The following HKDC1 variants were observed in gnomAD, a reference collection of about 807,000 sequenced individuals.
The protein encoded by HKDC1 is hexokinase domain containing 1.
Under a neutral mutation model 96.6 loss-of-function variants are expected in HKDC1, and 66 were observed. The ratio of observed to expected loss-of-function variants is 0.68; its 90% CI spans 0.56 to 0.84. HKDC1 has a LOEUF of 0.84. Among genes scored for constraint, HKDC1 ranks in the 40% least tolerant of loss-of-function variants. HKDC1 has a pLI of 0.00. For synonymous variants in HKDC1, 466 were observed against 473.1 expected (o/e 0.98, Z 0.20); for missense variants, 1,211 against 1,208.1 (o/e 1.00, Z -0.04).
In HKDC1 at chr10:69,265,755, A is replaced by AG. The variant is rs1399189321; in HGVS notation, c.2547dup (p.Leu850AlafsTer23). ...ATAGTGGAAAAAAGGAGAGAAGACC[A>AG]GGGGCTAGAGCACCTGAGGATCACT... On this transcript the variant is annotated frameshift_variant, in exon 17 of 18. Coordinates refer to ENST00000354624, the MANE Select transcript of HKDC1 (RefSeq NM_025130.4). LOFTEE classifies it high-confidence loss of function. 6.2e-7 allele frequency: 1 copy of AG among 1,612,730 alleles called. No homozygotes were observed. The highest frequency in any genetic ancestry group is 1.7e-5 in the Admixed American group (1 of 59,714).
rs547065615 is a variant in HKDC1 at position 69,231,622 on chromosome 10, G to A, written c.227-1142G>A. On this transcript the variant is annotated intron_variant, in intron 2 of 17. Transcript: ENST00000354624. ...TCTCTCCCTGTGCCTCTCACAATCT[G>A]AGCACTGGTCCTACTATATGGAAAT... Among the ~76,000 whole-genome samples the A allele has an allele frequency of 6.6e-5, 10 of 152,232 alleles. No individual in the cohort carries two copies. The South Asian group carries it at 1.7e-3, about 25-fold the overall frequency.
intron 12 of HKDC1, among the ~76,000 whole-genome samples, chr10:69,255,824 C>A (rs369303387): frequency 2.0e-5 from 3 of 150,982 alleles, no homozygotes; most frequent in Admixed American, 6.6e-5. Context: ...GGCTGAGGCA[C>A]GAGAATCGCC....
In HKDC1 at chr10:69,257,131, C is replaced by A. The variant is rs367790898; in HGVS notation, c.1932C>A (p.Asn644Lys). 129 of 1,612,978 alleles carry A rather than the reference C, an allele frequency of 8.0e-5. No homozygotes were observed. The highest frequency in any genetic ancestry group is 1.1e-4 in the Non-Finnish European group (126 of 1,179,160). Residue 644 changes from asparagine (N) to lysine (K), a missense_variant and splice_region_variant, in exon 13 of 18, where the codon AAC becomes AAA. Transcript: ENST00000354624. Reference sequence around the variant, plus strand: ...TCAGGGAAGCCATCAAGAGGAGAAACGTAGGATGTGGTGTTGAGGCTCATG... The same window carrying A: ...TCAGGGAAGCCATCAAGAGGAGAAAAGTAGGATGTGGTGTTGAGGCTCATG... ...DMLREAIKRR[N>K]EFDLDIVAVV... is the part of the protein sequence containing the mutation.
At position 69,248,548 on chromosome 10, in the gene HKDC1, C is replaced by T; in HGVS notation, c.1390C>T (p.Gln464Ter). The T allele has an allele frequency of 6.2e-7, 1 of 1,614,102 alleles. No individual in the cohort carries two copies. Among genetic ancestry groups the T allele is most frequent in the Non-Finnish European group, 8.5e-7 (1 of 1,180,028 alleles). ...AMVTAVASRV[Q>*]AQRKQIDRVL... ...GGTGACCGCGGTGGCCTCCCGCGTG[C>T]AGGCCCAGCGGAAGCAGATCGACAG... Residue 464 changes from glutamine (Q) to a stop codon, truncating the protein, a stop_gained, in exon 10 of 18, where the codon CAG (glutamine) becomes TAG (stop). Transcript: ENST00000354624. LOFTEE classifies it high-confidence loss of function.
chr10:69,223,557 T>C (rs1843100609), intron 1 of HKDC1, among the ~76,000 whole-genome samples: 1 of 151,574 alleles, frequency 6.6e-6, no homozygotes. Context: ...TCCAGAGTTG[T>C]GTAACCATTA....
intron 5 of HKDC1, among the ~76,000 whole-genome samples, chr10:69,239,525 A>G (rs1490870355): frequency 2.0e-5 from 3 of 152,178 alleles, no homozygotes; most frequent in South Asian, 4.1e-4. Flanking sequence ...CTGGTTCTCT[A>G]TTTCACTGTC....
intron 7 of HKDC1, among the ~76,000 whole-genome samples, chr10:69,245,569 CCAA>C (rs1843526612): frequency 1.6e-5 from 1 of 64,470 alleles, no homozygotes; most frequent in Non-Finnish European, 3.4e-5. Context: ...GATCCTGTCT[CCAA>C]TAATAATAAT....
intron 4 of HKDC1, among the ~76,000 whole-genome samples, 168 bp downstream of exon 4, chr10:69,233,301 C>T (rs761832687): frequency 1.5e-4 from 23 of 152,132 alleles, no homozygotes; most frequent in African/African-American, 3.6e-4. Flanking sequence ...AACTTGTTAA[C>T]GCAATGGCCT....
At chr10:69,260,047 G>T (rs1352168546) in intron 15 of HKDC1, among the ~76,000 whole-genome samples, 1 of 152,184 alleles carries the variant, frequency 6.6e-6, no homozygotes, top group Non-Finnish European at 1.5e-5. Flanking sequence ...AGGTTTTGCA[G>T]GCCATATGGT....
At chr10:69,240,584 T>C in intron 5 of HKDC1, 68 bp from the exon 6 acceptor site, 2 of 1,316,130 alleles carry the variant, frequency 1.5e-6, no homozygotes, top group Non-Finnish European at 2.2e-6. Flanking sequence ...CTGCTGCCTC[T>C]GTGGGGAAGG....
rs779098957 is a variant in HKDC1 at position 69,246,220 on chromosome 10, G to A, written c.1017G>A (p.Val339=). The change falls in exon 8 of 18, where the codon GTG becomes GTA. Residue 339 remains valine (V), a synonymous_variant. Transcript: ENST00000354624. The part of the protein sequence containing the change: ...HTKGKIETRH[V]AAMEKYKEGL... ...AGGGCAAGATCGAAACACGGCACGT[G>A]GCTGCCATGGAGAAGTAAGCAAGTC... 1.2e-6 allele frequency: 2 copies of A among 1,613,914 alleles called. No individual in the cohort carries two copies. Among genetic ancestry groups the A allele is most frequent in the East Asian group, 4.5e-5 (2 of 44,884 alleles).
At chr10:69,226,654 T>TAA (rs5785900) in intron 1 of HKDC1, among the ~76,000 whole-genome samples, 178 of 147,150 alleles carry the variant, frequency 1.2e-3, no homozygotes, top group Non-Finnish European at 1.7e-3. Context: ...GACTCTGTCT[T>TAA]AAAAAAAAAA....
At chr10:69,249,243 C>T (rs568154987) in intron 10 of HKDC1, among the ~76,000 whole-genome samples, 30 of 152,338 alleles carry the variant, frequency 2.0e-4, no homozygotes, top group African/African-American at 6.7e-4. Context: ...AATTATTTTA[C>T]CTCTTTGAAT....
chr10:69,223,578 ATTTTTTTT>A (rs60016100), intron 1 of HKDC1, among the ~76,000 whole-genome samples: 18 of 85,602 alleles, frequency 2.1e-4, no homozygotes, highest in Middle Eastern at 9.4e-3. Flanking sequence ...CCACAATCTA[ATTTTTTTT>A]TTTTTTTTTT....
chr10:69,245,342 C>T (rs549300745), intron 7 of HKDC1, among the ~76,000 whole-genome samples: 8 of 152,018 alleles, frequency 5.3e-5, no homozygotes, highest in South Asian at 2.1e-4. Flanking sequence ...TCCAGTGCTT[C>T]GGGAGGCCAG....
At position 69,247,606 on chromosome 10, in the gene HKDC1, T is replaced by G; in HGVS notation, c.1265+13T>G. 1 of 1,601,634 alleles carries G rather than the reference T, an allele frequency of 6.2e-7. No homozygotes were observed. The highest frequency in any genetic ancestry group is 8.6e-7 in the Non-Finnish European group (1 of 1,169,504). ...AGATACACCCTCAGTGAGTGCTGCC[T>G]GCCATCCACGCCCCCACAAATGAGT... On this transcript the variant is annotated intron_variant, in intron 9 of 17. Coordinates refer to ENST00000354624, the MANE Select transcript of HKDC1 (RefSeq NM_025130.4).
At chr10:69,254,958 T>A (rs982675151) in intron 12 of HKDC1, among the ~76,000 whole-genome samples, 2 of 152,260 alleles carry the variant, frequency 1.3e-5, no homozygotes, top group African/African-American at 4.8e-5. Flanking sequence ...AAGGGAACTC[T>A]ATCCTTATCA....
intron 1 of HKDC1, among the ~76,000 whole-genome samples, chr10:69,221,614 C>G (rs754408467): frequency 8.5e-5 from 13 of 152,074 alleles, no homozygotes; most frequent in Non-Finnish European, 1.8e-4. Flanking sequence ...TGCCATGACT[C>G]CCTCCTGCTT....
In HKDC1 at chr10:69,257,392, T is replaced by C. The variant is rs765962139; in HGVS notation, c.1998T>C (p.Tyr666=). ...DTVGTMMTCG[Y]EDPNCEIGLI... The stretch of plus-strand genomic sequence containing the variant: ...TGGGGACCATGATGACCTGTGGCTA[T>C]GAAGATCCTAATTGTGAGATTGGCC... Residue 666 remains tyrosine (Y), a synonymous_variant, in exon 14 of 18, where the codon TAT becomes TAC. Transcript: ENST00000354624. 6.2e-7 allele frequency: 1 copy of C among 1,614,048 alleles called. No homozygotes were observed. The highest frequency in any genetic ancestry group is 1.1e-5 in the South Asian group (1 of 91,082).
Sources: gnomAD v4.1 joint callset for allele counts (sites outside exome capture counted in the v4.1 genomes callset) on GRCh38, gnomAD v4.1.1 for gene constraint, MANE v1.5 for transcripts, NCBI Gene and HGNC (gene_info 2026-07-23, HGNC 2026-07-21) for gene names.